STXBP4: variants seen among roughly 807,000 people sequenced by gnomAD.
STXBP4 encodes the protein syntaxin binding protein 4.
In STXBP4, 55 loss-of-function variants were observed where a neutral mutation model predicts 76.1. The observed-to-expected ratio is 0.72, with a 90% confidence interval of 0.58 to 0.91. STXBP4 has a LOEUF of 0.91. STXBP4 is among the 40% of genes least tolerant of loss of function. STXBP4 has a pLI of 0.00. For synonymous variants in STXBP4, 201 were observed against 220.2 expected (o/e 0.91, Z 0.77); for missense variants, 618 against 636.9 (o/e 0.97, Z 0.32).
At chr17:54,983,105 A>G (rs2077573578) in intron 1 of STXBP4, among the ~76,000 whole-genome samples, 1 of 152,128 alleles carries the variant, frequency 6.6e-6, no homozygotes. Context: ...ATCCTGTAAC[A>G]TGGTGCCTGG....
chr17:55,060,949 G>A (rs1046277489), intron 12 of STXBP4, among the ~76,000 whole-genome samples: 3 of 152,164 alleles, frequency 2.0e-5, no homozygotes, highest in Non-Finnish European at 4.4e-5. Flanking sequence ...TATTTAGCTT[G>A]TCTGAACCAG....
chr17:55,053,281 G>A (rs987220634), intron 12 of STXBP4, among the ~76,000 whole-genome samples: 1 of 151,886 alleles, frequency 6.6e-6, no homozygotes, highest in Admixed American at 6.6e-5. Flanking sequence ...AAATATTGGA[G>A]TTTTTAGGGA....
At chr17:54,975,534 G>T (rs2077461639) in intron 1 of STXBP4, among the ~76,000 whole-genome samples, 1 of 152,114 alleles carries the variant, frequency 6.6e-6, no homozygotes. Context: ...GTGATTAAAG[G>T]CAAAGGCAGA....
In STXBP4 at chr17:55,170,539, T is replaced by C. The variant is rs1243393318; in HGVS notation, c.*10628T>C. The C allele has an allele frequency of 6.6e-6, 1 of 152,210 alleles. No individual in the cohort carries two copies. The allele number at this position is 152,210 out of a possible 1,614,324, so 9.4% of individuals were successfully genotyped here. A position where few individuals can be genotyped will look rare whatever the true frequency, so the allele number is the denominator to read the frequency against. Reference sequence around the variant, plus strand: ...TGTCCTTTATAAGAAAAAATGCTAATGATTTATTGTGTATGAAAAAAGTGT... The same window carrying C: ...TGTCCTTTATAAGAAAAAATGCTAACGATTTATTGTGTATGAAAAAAGTGT... On this transcript the variant is annotated 3_prime_UTR_variant, in exon 18 of 18. Coordinates refer to ENST00000376352, the MANE Select transcript of STXBP4 (RefSeq NM_178509.6).
intron 1 of STXBP4, among the ~76,000 whole-genome samples, chr17:54,969,804 C>G (rs1236349546): frequency 1.3e-5 from 2 of 152,172 alleles, no homozygotes; most frequent in African/African-American, 4.8e-5. Context: ...CCTGCTGGCA[C>G]TATAGCACAG....
chr17:55,061,304 TTG>T (rs1352735247), intron 12 of STXBP4, among the ~76,000 whole-genome samples: 7 of 152,208 alleles, frequency 4.6e-5, no homozygotes, highest in Non-Finnish European at 7.3e-5. Flanking sequence ...CTTTTAAAGA[TTG>T]TGTTTCTTGT....
intron 16 of STXBP4, among the ~76,000 whole-genome samples, chr17:55,095,182 G>T (rs145523297): frequency 6.6e-6 from 1 of 152,066 alleles, no homozygotes; most frequent in African/African-American, 2.4e-5. Flanking sequence ...AAGCACAAAG[G>T]CAGAAAAAAT....
intron 10 of STXBP4, among the ~76,000 whole-genome samples, chr17:55,037,224 A>T (rs776498412): frequency 6.6e-5 from 10 of 152,130 alleles, no homozygotes; most frequent in Non-Finnish European, 1.5e-4. Context: ...TAATCTACCT[A>T]ATGTTGATGT....
chr17:55,180,423 G>C, the STXBP4 span, among the ~76,000 whole-genome samples: 3 of 152,124 alleles, frequency 2.0e-5, no homozygotes, highest in Non-Finnish European at 4.4e-5. Flanking sequence ...AGCCTTGTTG[G>C]GGAGTTTGAG....
intron 1 of STXBP4, among the ~76,000 whole-genome samples, chr17:54,984,493 C>T (rs2077597690): frequency 6.6e-6 from 1 of 151,886 alleles, no homozygotes. Context: ...CAGGCGCTGC[C>T]ACCACGCCCG....
intron 17 of STXBP4, among the ~76,000 whole-genome samples, chr17:55,158,444 G>T (rs751573795): frequency 9.2e-5 from 14 of 152,198 alleles, no homozygotes; most frequent in Non-Finnish European, 2.1e-4. Flanking sequence ...GATAAAGGCA[G>T]TGGGGTAAAC....
chr17:55,119,190 C>T (rs1202851722), intron 16 of STXBP4, among the ~76,000 whole-genome samples: 2 of 151,934 alleles, frequency 1.3e-5, no homozygotes. Context: ...AAGCCTCTCC[C>T]TGGTACTACC....
intron 8 of STXBP4, among the ~76,000 whole-genome samples, chr17:55,016,847 T>G (rs1215938483): frequency 2.6e-5 from 4 of 152,236 alleles, no homozygotes; most frequent in African/African-American, 7.2e-5. Flanking sequence ...TTTGCTTTTT[T>G]GACTTAGAAT....
chr17:55,102,079 GTTGAA>G (rs1345414603), intron 16 of STXBP4, among the ~76,000 whole-genome samples: 2 of 150,872 alleles, frequency 1.3e-5, no homozygotes, highest in Admixed American at 6.6e-5. Flanking sequence ...ATTTATTCCT[GTTGAA>G]TGCCTGGTAC....
In STXBP4 at chr17:55,011,891, C is replaced by T. The variant is rs1162298266; in HGVS notation, c.666+4294C>T. On this transcript the variant is annotated intron_variant, in intron 8 of 17. Coordinates refer to ENST00000376352, the MANE Select transcript of STXBP4 (RefSeq NM_178509.6). ...AAGTGCCATTGAGGAGGTTGGCCGA[C>T]GACCGCTCTAACTGCTTCCTGCTGA... Among the ~76,000 whole-genome samples, 4 of 152,100 alleles carry T rather than the reference C, an allele frequency of 2.6e-5. No individual in the cohort carries two copies. In the East Asian group the frequency reaches 5.8e-4, roughly 22 times the overall value.
chr17:54,998,933 A>G (rs969720237), intron 4 of STXBP4, among the ~76,000 whole-genome samples: 2 of 152,142 alleles, frequency 1.3e-5, no homozygotes, highest in Non-Finnish European at 2.9e-5. Context: ...GTGGGAGGAC[A>G]TATGTAGGAA....
In STXBP4 at chr17:55,007,582, A is replaced by G. The variant is rs959563157; in HGVS notation, c.651A>G (p.Ala217=). The G allele has an allele frequency of 1.3e-6, 2 of 1,599,388 alleles. No individual in the cohort carries two copies. The highest frequency in any genetic ancestry group is 1.1e-5 in the South Asian group (1 of 87,326). The part of the protein sequence containing the change: ...ISLNPSVRFK[A]EKLEMALNYL... ...TAAATCCCTCTGTTCGCTTTAAGGC[A>G]GAGAAACTGGAAATGGTAAAACCTT... Residue 217 remains alanine (A), a synonymous_variant, in exon 8 of 18, where the codon GCA becomes GCG. Transcript: ENST00000376352.
intron 16 of STXBP4, among the ~76,000 whole-genome samples, chr17:55,137,231 TATTA>T (rs2145139218): frequency 6.6e-6 from 1 of 150,996 alleles, no homozygotes; most frequent in African/African-American, 2.5e-5. Flanking sequence ...AACAAAGCCT[TATTA>T]ATTGTGAGTT....
Position 55,167,559 on chromosome 17 carries a change from C to G in STXBP4, c.*7648C>G, listed in dbSNP as rs1010211183. The G allele has an allele frequency of 2.0e-5, 3 of 152,200 alleles. No individual in the cohort carries two copies. Among genetic ancestry groups the G allele is most frequent in the Admixed American group, 2.0e-4 (3 of 15,280 alleles). 9.4% of individuals were successfully genotyped at this position (152,200 alleles called of 1,614,324 possible). On this transcript the variant is annotated 3_prime_UTR_variant, in exon 18 of 18. Transcript: ENST00000376352. The stretch of plus-strand genomic sequence containing the variant: ...CAGTAAAAGGATTGTAAAGCACATA[C>G]TCACACATTGTTGATTTGCCCAAGG...
Sources: allele counts gnomAD v4.1 joint callset (sites outside exome capture counted in the v4.1 genomes callset), GRCh38; gene constraint gnomAD v4.1.1; transcripts MANE v1.5; gene names NCBI Gene and HGNC (gene_info 2026-07-23, HGNC 2026-07-21).